The following DOK6 variants were observed in gnomAD, a reference collection of about 807,000 sequenced individuals.
DOK6 encodes the protein downstream of tyrosine kinase 6.
In DOK6, 22 loss-of-function variants were observed where a neutral mutation model predicts 44.0. The ratio of observed to expected loss-of-function variants is 0.50; its 90% confidence interval spans 0.36 to 0.71. The LOEUF is 0.71. DOK6 is among the 30% of genes least tolerant of loss of function. The pLI, the probability that DOK6 is intolerant of heterozygous loss-of-function variation, is 0.00. For missense variants in DOK6, 340 were observed against 416.4 expected (o/e 0.82, Z 1.60); for synonymous variants, 166 against 145.5 (o/e 1.14, Z -1.01).
chr18:69,608,640 T>C (rs1159402385), intron 3 of DOK6, among the ~76,000 whole-genome samples: 2 of 152,186 alleles, frequency 1.3e-5, no homozygotes, highest in Admixed American at 6.5e-5. Context: ...GAGCAATAGA[T>C]GTTTTTCCAT....
intron 1 of DOK6, among the ~76,000 whole-genome samples, chr18:69,547,699 C>T (rs1163647751): frequency 6.6e-6 from 1 of 150,880 alleles, no homozygotes; most frequent in Non-Finnish European, 1.5e-5. Context: ...TCTCTTCATC[C>T]ACCCTCATCC....
intron 4 of DOK6, among the ~76,000 whole-genome samples, chr18:69,695,375 A>G (rs1568336150): frequency 1.3e-5 from 2 of 152,224 alleles, no homozygotes; most frequent in African/African-American, 4.8e-5. Flanking sequence ...TAAAAACCGA[A>G]CATGGGTTCT....
intron 3 of DOK6, 81 bp downstream of exon 3, chr18:69,599,579 A>T (rs1983826470): frequency 1.9e-6 from 2 of 1,064,960 alleles, no homozygotes; most frequent in African/African-American, 1.6e-5. Context: ...AAGGTACACT[A>T]TTGAACAGGA....
intron 1 of DOK6, among the ~76,000 whole-genome samples, chr18:69,538,588 G>A (rs1370326301): frequency 6.6e-6 from 1 of 152,030 alleles, no homozygotes; most frequent in African/African-American, 2.4e-5. Flanking sequence ...TCACTATATT[G>A]CCCATGCTGG....
At chr18:69,511,674 G>C (rs113055646) in intron 1 of DOK6, among the ~76,000 whole-genome samples, 3 of 152,014 alleles carry the variant, frequency 2.0e-5, no homozygotes, top group African/African-American at 7.2e-5. Flanking sequence ...TCTCCTTAAC[G>C]GTTATTACAG....
chr18:69,560,169 T>G (rs536934442), intron 1 of DOK6, among the ~76,000 whole-genome samples: 1 of 152,284 alleles, frequency 6.6e-6, no homozygotes, highest in East Asian at 1.9e-4. Context: ...TGAGGTATAT[T>G]GATCTTAATT....
chr18:69,680,876 T>TA (rs1282751892), intron 4 of DOK6, among the ~76,000 whole-genome samples: 2 of 148,828 alleles, frequency 1.3e-5, no homozygotes, highest in African/African-American at 4.9e-5. Flanking sequence ...GAAAGCATTT[T>TA]AGCTAACTGA....
intron 6 of DOK6, among the ~76,000 whole-genome samples, chr18:69,754,280 G>A (rs1345056634): frequency 6.6e-6 from 1 of 150,570 alleles, no homozygotes; most frequent in African/African-American, 2.4e-5. Flanking sequence ...CTTGAGCTTG[G>A]GAGGCGGAGA....
At chr18:69,584,660 T>A (rs1983457020) in intron 2 of DOK6, among the ~76,000 whole-genome samples, 1 of 152,056 alleles carries the variant, frequency 6.6e-6, no homozygotes. Context: ...TTTTTTTTTC[T>A]GGACTATCTT....
intron 7 of DOK6, among the ~76,000 whole-genome samples, chr18:69,821,805 A>AAAC (rs1981582787): frequency 6.6e-6 from 1 of 151,724 alleles, no homozygotes; most frequent in Non-Finnish European, 1.5e-5. Flanking sequence ...TTTTTAAAAA[A>AAAC]AATCCTTTGA....
At chr18:69,488,011 A>G (rs1269329618) in intron 1 of DOK6, among the ~76,000 whole-genome samples, 1 of 152,176 alleles carries the variant, frequency 6.6e-6, no homozygotes, top group Non-Finnish European at 1.5e-5. Context: ...CTTAAACAAC[A>G]GAAATTTCTT....
intron 7 of DOK6, among the ~76,000 whole-genome samples, chr18:69,820,300 T>A (rs1288327497): frequency 6.6e-6 from 1 of 152,218 alleles, no homozygotes; most frequent in Non-Finnish European, 1.5e-5. Flanking sequence ...ATGCTTGCAT[T>A]TTCTGCTACA....
chr18:69,525,353 TA>T (rs1207298865), intron 1 of DOK6, among the ~76,000 whole-genome samples: 1 of 152,004 alleles, frequency 6.6e-6, no homozygotes, highest in African/African-American at 2.4e-5. Context: ...AAACTCTACA[TA>T]AATATTTTTG....
intron 4 of DOK6, among the ~76,000 whole-genome samples, chr18:69,684,655 C>G (rs1474939384): frequency 6.6e-6 from 1 of 151,980 alleles, no homozygotes; most frequent in East Asian, 1.9e-4. Context: ...CATGGGAGGT[C>G]AAGTGGGTAG....
intron 1 of DOK6, among the ~76,000 whole-genome samples, chr18:69,487,680 G>A (rs539528405): frequency 6.6e-6 from 1 of 152,172 alleles, no homozygotes; most frequent in African/African-American, 2.4e-5. Context: ...TGAGAAGCAG[G>A]TAACAGGTTA....
At chr18:69,412,255 A>C (rs768945164) in intron 1 of DOK6, among the ~76,000 whole-genome samples, 4 of 152,100 alleles carry the variant, frequency 2.6e-5, no homozygotes, top group Non-Finnish European at 5.9e-5. Context: ...AACTCCGCTG[A>C]GAGACAGGAG....
intron 4 of DOK6, among the ~76,000 whole-genome samples, chr18:69,680,196 T>C (rs1259055029): frequency 1.3e-5 from 2 of 152,208 alleles, no homozygotes; most frequent in African/African-American, 2.4e-5. Flanking sequence ...CAAAGATACA[T>C]GATATCCTAT....
chr18:69,450,899 T>G (rs1135378), intron 1 of DOK6, among the ~76,000 whole-genome samples: 3 of 149,308 alleles, frequency 2.0e-5, no homozygotes, highest in Non-Finnish European at 4.4e-5. Context: ...CTAAAAGAGC[T>G]CCTGAAAGAA....
intron 7 of DOK6, among the ~76,000 whole-genome samples, chr18:69,804,273 A>C (rs1980989495): frequency 1.3e-5 from 2 of 152,180 alleles, no homozygotes; most frequent in South Asian, 4.1e-4. Context: ...TAACTTTATA[A>C]TTCATTATCA....
Sources: allele counts gnomAD v4.1 joint callset (sites outside exome capture counted in the v4.1 genomes callset), GRCh38; gene constraint gnomAD v4.1.1; transcripts MANE v1.5; gene names NCBI Gene and HGNC (gene_info 2026-07-23, HGNC 2026-07-21).